The following VSIG10 variants were observed in gnomAD, a reference collection of about 807,000 sequenced individuals.
VSIG10 encodes V-set and immunoglobulin domain containing 10, also known as V-set and immunoglobulin domain-containing protein 10.
Under a neutral mutation model 58.7 loss-of-function variants are expected in VSIG10, and 48 were observed. The observed-to-expected ratio is 0.82, with a 90% CI of 0.65 to 1.04. The LOEUF (loss-of-function observed/expected upper bound fraction) is 1.04, where lower values mean the gene tolerates loss of function less well. Ranked by LOEUF, VSIG10 falls within the 50% of genes least tolerant of loss-of-function variation. The probability of loss-of-function intolerance (pLI) is 0.00; values close to 1 mark genes in which losing one functional copy is unlikely to be tolerated. For synonymous variants in VSIG10, 260 were observed against 267.1 expected (o/e 0.97, Z 0.26); for missense variants, 628 against 670.0 (o/e 0.94, Z 0.69).
chr12:118,087,587 A>C (rs1239092054), intron 2 of VSIG10, among the ~76,000 whole-genome samples: 1 of 152,134 alleles, frequency 6.6e-6, no homozygotes, highest in African/African-American at 2.4e-5. Context: ...CTGTAAGCCC[A>C]GCACTTTGGG....
At position 118,064,019 on chromosome 12, in the gene VSIG10, T is replaced by TA. The variant is rs1393879287; in HGVS notation, c.*2619dup. On this transcript the variant is annotated 3_prime_UTR_variant, in exon 9 of 9. Transcript: ENST00000359236. ...GAAGTGTGTATCTTCCTGGTCCTGA[T>TA]AAATAGATCTCATGGTCTCTAAGTT... 6.6e-6 allele frequency: 1 copy of TA among 152,210 alleles called. No individual in the cohort carries two copies. The highest frequency in any genetic ancestry group is 2.4e-5 in the African/African-American group (1 of 41,456). The allele number at this position is 152,210 out of a possible 1,614,324, so 9.4% of individuals were successfully genotyped here. A position where few individuals can be genotyped will look rare whatever the true frequency, so the allele number is the denominator to read the frequency against.
intron 4 of VSIG10, among the ~76,000 whole-genome samples, chr12:118,074,520 C>T (rs2032633971): frequency 6.6e-6 from 1 of 151,666 alleles, no homozygotes; most frequent in South Asian, 2.1e-4. Flanking sequence ...ACTTTGTCGC[C>T]CAGGCTGGAG....
At chr12:118,084,342 ATT>A (rs2033054512) in intron 2 of VSIG10, among the ~76,000 whole-genome samples, 1 of 152,150 alleles carries the variant, frequency 6.6e-6, no homozygotes, top group Non-Finnish European at 1.5e-5. Context: ...ATCTTCAGCT[ATT>A]TACTCTTTAG....
intron 2 of VSIG10, among the ~76,000 whole-genome samples, chr12:118,088,230 CTG>C (rs1234639555): frequency 2.1e-5 from 3 of 143,552 alleles, no homozygotes; most frequent in Non-Finnish European, 4.5e-5. Flanking sequence ...CAGGGCGAGA[CTG>C]TGTCTCAGAA....
chr12:118,100,325 G>A (rs1343769155), intron 1 of VSIG10, among the ~76,000 whole-genome samples: 6 of 151,876 alleles, frequency 4.0e-5, no homozygotes, highest in Admixed American at 2.6e-4. Flanking sequence ...GTGAAACCCC[G>A]TTTCTACTAA....
intron 5 of VSIG10, among the ~76,000 whole-genome samples, 160 bp from the exon 6 acceptor site, chr12:118,071,629 A>G (rs2032497597): frequency 6.6e-6 from 1 of 152,168 alleles, no homozygotes; most frequent in Admixed American, 6.5e-5. Flanking sequence ...TTATCACCCA[A>G]CCTCAGAGAG....
chr12:118,101,380 G>A (rs1040053295), intron 1 of VSIG10, among the ~76,000 whole-genome samples: 4 of 152,152 alleles, frequency 2.6e-5, no homozygotes, highest in African/African-American at 9.7e-5. Flanking sequence ...AAAGTCCCAA[G>A]CAAATCACTG....
chr12:118,071,954 G>A (rs746145149), intron 5 of VSIG10, among the ~76,000 whole-genome samples: 15 of 152,108 alleles, frequency 9.9e-5, no homozygotes, highest in Non-Finnish European at 7.4e-5. Context: ...CGGATCACCT[G>A]AAGTCGGGAG....
intron 2 of VSIG10, among the ~76,000 whole-genome samples, chr12:118,090,234 G>A (rs1029860700): frequency 6.6e-6 from 1 of 152,130 alleles, no homozygotes; most frequent in African/African-American, 2.4e-5. Flanking sequence ...GAACACAGGG[G>A]GCGGAGGTGG....
At chr12:118,072,096 G>A (rs1423000720) in intron 5 of VSIG10, among the ~76,000 whole-genome samples, 1 of 152,150 alleles carries the variant, frequency 6.6e-6, no homozygotes, top group Non-Finnish European at 1.5e-5. Context: ...TTGAACCCGG[G>A]AGGCGGGGGT....
Position 118,098,176 on chromosome 12 carries a change from G to C in VSIG10, c.80-2362C>G, listed in dbSNP as rs111391887. Among the ~76,000 whole-genome samples the C allele has an allele frequency of 5.4e-3, 821 of 152,176 alleles. 11 individuals are homozygous for C. The highest frequency in any genetic ancestry group is 0.019 in the African/African-American group (785 of 41,540). ...CTTTATTTGCCTAGAAATCCAGAAG[G>C]GGTAGAAAGAAGAGGGCTTTGGCTT... On this transcript the variant is annotated intron_variant, in intron 1 of 8. Transcript: ENST00000359236.
At chr12:118,083,821 A>C (rs11068816) in intron 2 of VSIG10, among the ~76,000 whole-genome samples, 1 of 151,700 alleles carries the variant, frequency 6.6e-6, no homozygotes, top group African/African-American at 2.4e-5. Flanking sequence ...TGGCCAAAAA[A>C]ATTTTTTAAA....
At chr12:118,077,444 G>GT (rs2032774193) in intron 4 of VSIG10, among the ~76,000 whole-genome samples, 2 of 151,992 alleles carry the variant, frequency 1.3e-5, no homozygotes. Flanking sequence ...TATCTTACTT[G>GT]TTTTTGTACT....
chr12:118,083,056 G>T (rs1457724660), intron 2 of VSIG10, among the ~76,000 whole-genome samples: 1 of 137,416 alleles, frequency 7.3e-6, no homozygotes, highest in Non-Finnish European at 1.5e-5. Flanking sequence ...GATGTTGTAG[G>T]GAGCCGATAT....
intron 2 of VSIG10, among the ~76,000 whole-genome samples, chr12:118,083,379 A>G (rs2033026255): frequency 6.6e-6 from 1 of 151,982 alleles, no homozygotes; most frequent in South Asian, 2.1e-4. Context: ...GGAGTTTGAG[A>G]CCAGCCTGGC....
rs761998513 is a variant in VSIG10, at chr12:118,095,722, G to A, written c.172C>T (p.Arg58Trp). Residue 58 changes from arginine (R) to tryptophan (W), a missense_variant, in exon 2 of 9, where the codon CGG becomes TGG. By Grantham distance (101) the Arg-to-Trp change is moderately radical. Transcript: ENST00000359236. The stretch of plus-strand genomic sequence containing the variant: ...AGGAAGACAGGCTCCGAGTTGTTCC[G>A]GTACCAGGTCACCTGGCCCCTCAGT... ...SGLRGQVTWY[R>W]NNSEPVFLLS... 2.1e-5 allele frequency: 34 copies of A among 1,613,672 alleles called. No homozygotes were observed. The highest frequency in any genetic ancestry group is 2.5e-5 in the Non-Finnish European group (30 of 1,179,838).
intron 7 of VSIG10, among the ~76,000 whole-genome samples, chr12:118,069,112 TAG>T (rs1345916786): frequency 1.4e-5 from 2 of 146,840 alleles, no homozygotes; most frequent in Non-Finnish European, 3.0e-5. Flanking sequence ...TTTTTCGGGA[TAG>T]AGTCTTGCGC....
chr12:118,093,417 C>A lies in VSIG10; in HGVS notation c.361+2116G>T, dbSNP rs1474405210. 2.0e-5 allele frequency among the ~76,000 whole-genome samples: 3 copies of A among 151,584 alleles called. No homozygotes were observed. The East Asian group carries it at 6.0e-4, about 30-fold the overall frequency. ...TAAATATGGGGTCTCACTATGTTAACCAAGCTGGTTCCAAACTCTTCGCTC... is the reference window on the plus strand; with the variant it reads ...TAAATATGGGGTCTCACTATGTTAAACAAGCTGGTTCCAAACTCTTCGCTC... On this transcript the variant is annotated intron_variant, in intron 2 of 8. Coordinates refer to ENST00000359236, the MANE Select transcript of VSIG10 (RefSeq NM_019086.6).
In VSIG10 at chr12:118,073,613, G is replaced by C. The variant is rs2032587642; in HGVS notation, c.1219+86C>G. 9.6e-6 allele frequency: 14 copies of C among 1,461,894 alleles called. No homozygotes were observed. The South Asian group carries it at 1.9e-4, about 19-fold the overall frequency. The allele number at this position is 1,461,894 out of a possible 1,614,324, so 90.6% of individuals were successfully genotyped here. A position where few individuals can be genotyped will look rare whatever the true frequency, so the allele number is the denominator to read the frequency against. On this transcript the variant is annotated intron_variant, in intron 5 of 8. Coordinates refer to ENST00000359236, the MANE Select transcript of VSIG10 (RefSeq NM_019086.6). ...CCCAGTTGGCAGTGACCCATGTGTA[G>C]GGAGGCACCAGGCTGTCCTCATGCT...
Sources: allele counts gnomAD v4.1 joint callset (sites outside exome capture counted in the v4.1 genomes callset), GRCh38; gene constraint gnomAD v4.1.1; transcripts MANE v1.5; gene names NCBI Gene and HGNC (gene_info 2026-07-23, HGNC 2026-07-21).